SEC23IP: variants seen among roughly 807,000 people sequenced by gnomAD.
The protein encoded by SEC23IP is SEC23-interacting protein.
SEC23IP carries 70 observed loss-of-function variants against 113.4 expected under a neutral mutation model. The ratio of observed to expected loss-of-function variants is 0.62; its 90% CI spans 0.51 to 0.75. The LOEUF is 0.75. SEC23IP is among the 30% of genes least tolerant of loss of function. The pLI is 0.00. For missense variants in SEC23IP, 1,160 were observed against 1,204.9 expected, an observed-to-expected ratio of 0.96 and a Z score of 0.55; for synonymous variants, 398 against 421.0, an observed-to-expected ratio of 0.95 and a Z score of 0.67.
Position 119,892,757 on chromosome 10 carries a change from C to G in SEC23IP, c.-26C>G, listed in dbSNP as rs1448174660. 13 of 1,587,948 alleles carry G rather than the reference C, an allele frequency of 8.2e-6. No homozygotes were observed. In the East Asian group the frequency reaches 2.3e-4, roughly 28 times the overall value. ...TGGTGTGGTACCGGGTACCCGGAGA[C>G]GTGTATCGGACGGTGGGCCGCAGCC... On this transcript the variant is annotated 5_prime_UTR_variant, in exon 1 of 19. Coordinates refer to ENST00000369075, the MANE Select transcript of SEC23IP (RefSeq NM_007190.4).
chr10:119,926,149 A>G lies in SEC23IP; in HGVS notation c.2235A>G (p.Pro745=), dbSNP rs200214234. The G allele has an allele frequency of 1.2e-6, 2 of 1,614,032 alleles. No homozygotes were observed. Among genetic ancestry groups the G allele is most frequent in the Non-Finnish European group, 1.7e-6 (2 of 1,180,016 alleles). The change falls in exon 13 of 19, where the codon CCA becomes CCG. Residue 745 remains proline, a synonymous_variant. Transcript: ENST00000369075. ...MASLPSESNE[P]KRKLPVGACV... ...CCCTCCCCTCAGAATCCAATGAGCC[A>G]AAGAGGAAACTTCCAGTTGGTGCTT...
Position 119,910,152 on chromosome 10 carries a change from C to T in SEC23IP, c.1191+1022C>T, listed in dbSNP as rs1854811368. Among the ~76,000 whole-genome samples the T allele has an allele frequency of 2.0e-5, 3 of 152,176 alleles. No individual in the cohort carries two copies. The South Asian group carries it at 6.2e-4, about 32-fold the overall frequency. On this transcript the variant is annotated intron_variant, in intron 5 of 18. Coordinates refer to ENST00000369075, the MANE Select transcript of SEC23IP (RefSeq NM_007190.4). ...AATGGGTATGATATTTTCAATGAAT[C>T]TTTATTTATAAAAACAGATGGCCAG... is the stretch of plus-strand genomic sequence containing the variant.
chr10:119,910,934 C>T (rs1854836997), intron 5 of SEC23IP, among the ~76,000 whole-genome samples: 1 of 152,002 alleles, frequency 6.6e-6, no homozygotes, highest in African/African-American at 2.4e-5. Context: ...TTCCTCCTGC[C>T]TCGGCCTCCC....
At chr10:119,932,405 C>T (rs1855634866) in intron 16 of SEC23IP, 87 bp downstream of exon 16, 2 of 1,046,234 alleles carry the variant, frequency 1.9e-6, no homozygotes, top group Non-Finnish European at 1.4e-6. Flanking sequence ...CATTTCCTTT[C>T]TAGACTTTTT....
chr10:119,906,923 T>C (rs1033686033), intron 4 of SEC23IP, among the ~76,000 whole-genome samples: 1 of 152,014 alleles, frequency 6.6e-6, no homozygotes, highest in African/African-American at 2.4e-5. Context: ...TTAATCCTTG[T>C]TGTTTGTGGC....
At chr10:119,920,538 A>C in intron 11 of SEC23IP, among the ~76,000 whole-genome samples, 1 of 152,250 alleles carries the variant, frequency 6.6e-6, no homozygotes, top group Admixed American at 6.5e-5. Flanking sequence ...CTATGCATAC[A>C]TAAGACATCG....
At position 119,944,577 on chromosome 10, in the gene SEC23IP, T is replaced by A. The variant is rs764933575; in HGVS notation, c.*4012T>A. 7.9e-5 allele frequency: 12 copies of A among 152,084 alleles called. No individual in the cohort carries two copies. Among genetic ancestry groups the A allele is most frequent in the Non-Finnish European group, 1.5e-4 (10 of 68,040 alleles). The allele number at this position is 152,084 out of a possible 1,614,324, so 9.4% of individuals were successfully genotyped here. On this transcript the variant is annotated 3_prime_UTR_variant, in exon 19 of 19. Transcript: ENST00000369075. The stretch of plus-strand genomic sequence containing the variant: ...TCACAACTGGGGCGACTGAAGAAAT[T>A]ATGTTGTTAAGCACGAAATGCAGAG...
chr10:119,918,646 GT>G (rs1855135396), intron 10 of SEC23IP, 135 bp downstream of exon 10: 2 of 647,198 alleles, frequency 3.1e-6, no homozygotes, highest in Non-Finnish European at 5.5e-6. Flanking sequence ...AGCCTCATTG[GT>G]TGCTTGGGCT....
At position 119,898,605 on chromosome 10, in the gene SEC23IP, C is replaced by G; in HGVS notation, c.342C>G (p.Pro114=). ...AATSVGQSGF[P]KPLTALPFTT... is the part of the protein sequence containing the mutation. ...CCTCAGTTGGACAATCAGGATTCCCCAAGCCCCTGACTGCTCTCCCTTTTA... is the reference window on the plus strand; with the variant it reads ...CCTCAGTTGGACAATCAGGATTCCCGAAGCCCCTGACTGCTCTCCCTTTTA... Residue 114 remains proline (P), a synonymous_variant, in exon 2 of 19, where the codon CCC becomes CCG. Coordinates refer to ENST00000369075, the MANE Select transcript of SEC23IP (RefSeq NM_007190.4). The G allele has an allele frequency of 6.2e-7, 1 of 1,614,192 alleles. No homozygotes were observed. Among genetic ancestry groups the G allele is most frequent in the Non-Finnish European group, 8.5e-7 (1 of 1,180,026 alleles).
rs1855664914 is a variant in SEC23IP, at chr10:119,933,255, G to T, written c.2921+88G>T. The T allele has an allele frequency of 2.9e-6, 3 of 1,020,036 alleles. No individual in the cohort carries two copies. The Admixed American group carries it at 5.9e-5, about 20-fold the overall frequency. 63.2% of individuals were successfully genotyped at this position (1,020,036 alleles called of 1,614,324 possible). A position where few individuals can be genotyped will look rare whatever the true frequency, so the allele number is the denominator to read the frequency against. On this transcript the variant is annotated intron_variant, in intron 17 of 18. Coordinates refer to ENST00000369075, the MANE Select transcript of SEC23IP (RefSeq NM_007190.4). ...TTAGTTTTAGTGAGATTCTTTTACT[G>T]ATACAATGTACTATGAATATTCATT...
chr10:119,920,780 T>G (rs1348919031), intron 11 of SEC23IP, 109 bp from the exon 12 acceptor site: 1 of 655,360 alleles, frequency 1.5e-6, no homozygotes, highest in Non-Finnish European at 2.5e-6. Context: ...AAAAGTTGAG[T>G]GGCTCTTAGA....
intron 8 of SEC23IP, among the ~76,000 whole-genome samples, chr10:119,917,342 G>A (rs867000020): frequency 7.9e-5 from 12 of 152,000 alleles, no homozygotes; most frequent in South Asian, 6.2e-4. Flanking sequence ...TGGGTGTACA[G>A]GTGTGTGCCA....
At chr10:119,929,157 G>C (rs1855508893) in intron 13 of SEC23IP, among the ~76,000 whole-genome samples, 1 of 152,128 alleles carries the variant, frequency 6.6e-6, no homozygotes, top group Non-Finnish European at 1.5e-5. Context: ...ATACTATTAT[G>C]CCGTGCAAAA....
At chr10:119,931,564 T>G (rs989107750) in intron 15 of SEC23IP, among the ~76,000 whole-genome samples, 3 of 151,480 alleles carry the variant, frequency 2.0e-5, no homozygotes, top group Non-Finnish European at 2.9e-5. Context: ...CATTTTTTTT[T>G]TTTTTTGAGT....
At position 119,929,592 on chromosome 10, in the gene SEC23IP, T is replaced by C; in HGVS notation, c.2314-15T>C. On this transcript the variant is annotated splice_polypyrimidine_tract_variant and intron_variant, in intron 13 of 18. Coordinates refer to ENST00000369075, the MANE Select transcript of SEC23IP (RefSeq NM_007190.4). ...TTGGAACAATCATCTTTCATTGTTA[T>C]TTGATTCTTTCCAGGTTTCTGTTGC... 1 of 1,598,006 alleles carries C rather than the reference T, an allele frequency of 6.3e-7. No individual in the cohort carries two copies. Among genetic ancestry groups the C allele is most frequent in the Non-Finnish European group, 8.6e-7 (1 of 1,169,304 alleles).
At chr10:119,922,186 G>A (rs1270154571) in intron 12 of SEC23IP, among the ~76,000 whole-genome samples, 1 of 152,128 alleles carries the variant, frequency 6.6e-6, no homozygotes, top group Non-Finnish European at 1.5e-5. Context: ...AGACAAGCAT[G>A]GGGTTGGTGA....
chr10:119,898,492 C>T lies in SEC23IP; in HGVS notation c.229C>T (p.Pro77Ser). Reference protein sequence around the residue: ...LGQTSIHTSAPQTFSYFSQVS... With the variant: ...LGQTSIHTSASQTFSYFSQVS... ...TCAGACTTCTATTCACACATCTGCC[C>T]CACAGACATTTAGTTACTTCTCTCA... The change falls in exon 2 of 19, where the codon CCA (proline) becomes TCA (serine). Residue 77 changes from proline to serine, a missense_variant. Physicochemically the swap from Pro to Ser is moderately conservative, Grantham distance 74 (BLOSUM62 -1). Coordinates refer to ENST00000369075, the MANE Select transcript of SEC23IP (RefSeq NM_007190.4). The T allele has an allele frequency of 2.5e-6, 4 of 1,614,070 alleles. No homozygotes were observed. The highest frequency in any genetic ancestry group is 3.4e-6 in the Non-Finnish European group (4 of 1,180,014).
At chr10:119,940,222 C>T (rs1802950769) in intron 18 of SEC23IP, among the ~76,000 whole-genome samples, 1 of 149,218 alleles carries the variant, frequency 6.7e-6, no homozygotes, top group Non-Finnish European at 1.5e-5. Context: ...GAGTCTCACC[C>T]TGTCCCCAAG....
At chr10:119,934,752 T>C (rs561665018) in intron 18 of SEC23IP, among the ~76,000 whole-genome samples, 18 of 152,302 alleles carry the variant, frequency 1.2e-4, no homozygotes, top group African/African-American at 3.4e-4. Context: ...TACCTCCTCG[T>C]TTTAGAGAGG....
Sources: gnomAD v4.1 joint callset for allele counts (sites outside exome capture counted in the v4.1 genomes callset) on GRCh38, gnomAD v4.1.1 for gene constraint, MANE v1.5 for transcripts, NCBI Gene and HGNC (gene_info 2026-07-23, HGNC 2026-07-21) for gene names.